CHN1: variants seen among roughly 807,000 people sequenced by gnomAD.
The protein encoded by CHN1 is N-chimaerin.
CHN1 carries 37 observed loss-of-function variants against 59.5 expected under a neutral mutation model. That is an observed-to-expected ratio of 0.62 (90% CI 0.48 to 0.82). The LOEUF is 0.82. CHN1 is among the 40% of genes least tolerant of loss of function. The pLI, the probability that CHN1 is intolerant of heterozygous loss-of-function variation, is 0.00. For synonymous variants in CHN1, 206 were observed against 200.4 expected, an observed-to-expected ratio of 1.03 and a Z score of -0.24; for missense variants, 469 against 571.0, an observed-to-expected ratio of 0.82 and a Z score of 1.82.
At chr2:174,890,679 T>C (rs778124254) in intron 5 of CHN1, among the ~76,000 whole-genome samples, 36 of 151,982 alleles carry the variant, frequency 2.4e-4, no homozygotes, top group Non-Finnish European at 3.5e-4. Context: ...AAAAACCAGA[T>C]AGACAATCAA....
chr2:174,918,658 A>G, intron 3 of CHN1, 93 bp from the exon 4 acceptor site: 2 of 1,041,920 alleles, frequency 1.9e-6, no homozygotes, highest in Non-Finnish European at 2.8e-6. Flanking sequence ...AGTAAAGCAT[A>G]TATTAAAAAA....
intron 5 of CHN1, among the ~76,000 whole-genome samples, chr2:174,881,881 T>C (rs1687749061): frequency 6.6e-6 from 1 of 152,194 alleles, no homozygotes; most frequent in Non-Finnish European, 1.5e-5. Context: ...CACTGTGTCC[T>C]GGGAATGAGG....
chr2:174,941,060 TTCTC>T (rs1689645237), intron 3 of CHN1, among the ~76,000 whole-genome samples: 1 of 152,224 alleles, frequency 6.6e-6, no homozygotes, highest in African/African-American at 2.4e-5. Flanking sequence ...GACTTACAAA[TTCTC>T]TCTCACATAA....
chr2:174,975,021 T>C (rs540492255), intron 1 of CHN1, among the ~76,000 whole-genome samples: 5 of 152,204 alleles, frequency 3.3e-5, no homozygotes, highest in African/African-American at 1.2e-4. Context: ...ATAATGTATG[T>C]ATTTTACTGC....
At chr2:174,821,596 A>G in intron 8 of CHN1, 1 of 209,568 alleles carries the variant, frequency 4.8e-6, no homozygotes, top group Non-Finnish European at 1.0e-5. Flanking sequence ...GCTCTTATAA[A>G]GGGGCTTGAC....
intron 6 of CHN1, among the ~76,000 whole-genome samples, chr2:174,855,627 T>C (rs545831392): frequency 8.5e-5 from 13 of 152,262 alleles, no homozygotes; most frequent in African/African-American, 3.1e-4. Context: ...TTAACAATAA[T>C]ATGTCAGCTT....
intron 6 of CHN1, among the ~76,000 whole-genome samples, chr2:174,874,443 A>C (rs1687498677): frequency 6.6e-6 from 1 of 152,214 alleles, no homozygotes; most frequent in African/African-American, 2.4e-5. Context: ...GAAATAGTTA[A>C]TGAGAAAAAT....
intron 10 of CHN1, among the ~76,000 whole-genome samples, chr2:174,809,841 A>G (rs2600714): frequency 0.011 from 1,625 of 152,172 alleles, 35 homozygotes; most frequent in African/African-American, 0.036. Context: ...ATGAGATTTT[A>G]TTTGTTTTGA....
In CHN1 at chr2:174,852,817, A is replaced by G. The variant is rs116503273; in HGVS notation, c.550-5860T>C. 4.7e-3 allele frequency among the ~76,000 whole-genome samples: 709 copies of G among 152,086 alleles called. 3 individuals are homozygous for G. Among genetic ancestry groups the G allele is most frequent in the African/African-American group, 0.016 (674 of 41,344 alleles). ...CTGATCTTCGACAAGGCTGACAAAAATAAGTAATGGAGAAAGGACTCCCTA... is the reference window on the plus strand; with the variant it reads ...CTGATCTTCGACAAGGCTGACAAAAGTAAGTAATGGAGAAAGGACTCCCTA... On this transcript the variant is annotated intron_variant, in intron 6 of 12. Transcript: ENST00000409900.
chr2:174,849,362 G>A (rs545763803), intron 6 of CHN1, among the ~76,000 whole-genome samples: 178 of 152,216 alleles, frequency 1.2e-3, no homozygotes, highest in Non-Finnish European at 2.2e-3. Flanking sequence ...AGAAATTCTG[G>A]ATTAACTGCA....
At chr2:174,855,633 A>G (rs1686876946) in intron 6 of CHN1, among the ~76,000 whole-genome samples, 1 of 152,140 alleles carries the variant, frequency 6.6e-6, no homozygotes, top group Non-Finnish European at 1.5e-5. Context: ...ATAATATGTC[A>G]GCTTCCATTA....
chr2:174,867,442 A>G (rs1251936334), intron 6 of CHN1, among the ~76,000 whole-genome samples: 1 of 152,072 alleles, frequency 6.6e-6, no homozygotes, highest in Non-Finnish European at 1.5e-5. Flanking sequence ...AGGGAAAAAG[A>G]GTACTGGTTA....
chr2:174,860,167 G>C (rs1687025381), intron 6 of CHN1, among the ~76,000 whole-genome samples: 1 of 152,084 alleles, frequency 6.6e-6, no homozygotes, highest in African/African-American at 2.4e-5. Context: ...CCAAACCAAT[G>C]AAATGAGAGC....
chr2:174,915,736 TTTGA>T (rs774853462), intron 4 of CHN1, among the ~76,000 whole-genome samples: 2 of 152,170 alleles, frequency 1.3e-5, no homozygotes, highest in Non-Finnish European at 2.9e-5. Flanking sequence ...AAACCTTATC[TTTGA>T]TTAACATAGA....
intron 11 of CHN1, among the ~76,000 whole-genome samples, chr2:174,804,477 C>T (rs1438773552): frequency 1.3e-5 from 2 of 152,146 alleles, no homozygotes; most frequent in Non-Finnish European, 2.9e-5. Context: ...TGTACTCTGG[C>T]TGCCTAGTGG....
chr2:174,833,654 A>G (rs1685957012), intron 7 of CHN1, among the ~76,000 whole-genome samples: 2 of 152,000 alleles, frequency 1.3e-5, no homozygotes, highest in Non-Finnish European at 2.9e-5. Flanking sequence ...CCTGTTTTCT[A>G]TGCATTCCAT....
At chr2:174,957,446 T>TGCGG (rs796233818) in intron 1 of CHN1, among the ~76,000 whole-genome samples, 1 of 89,930 alleles carries the variant, frequency 1.1e-5, no homozygotes, top group Non-Finnish European at 2.1e-5. Context: ...GTGTGTGTGT[T>TGCGG]GGGGGGGGGG....
In CHN1 at chr2:175,005,247, A is replaced by C. The variant is rs1256987875; in HGVS notation, c.-335T>G. ...TTGGCCGCGGCGCAGTGGCTGGCGG[A>C]GAGGCGGCGCCGCACTGGCGGCGGC... On this transcript the variant is annotated 5_prime_UTR_variant, in exon 1 of 13. Coordinates refer to ENST00000409900, the MANE Select transcript of CHN1 (RefSeq NM_001822.7). 5 of 1,173,878 alleles carry C rather than the reference A, an allele frequency of 4.3e-6. No individual in the cohort carries two copies. In the East Asian group the frequency reaches 2.5e-4, roughly 58 times the overall value. 72.7% of individuals were successfully genotyped at this position (1,173,878 alleles called of 1,614,324 possible).
At chr2:174,918,445 T>C (rs985633247) in intron 4 of CHN1, 89 bp downstream of exon 4, 1 of 971,038 alleles carries the variant, frequency 1.0e-6, no homozygotes, top group Non-Finnish European at 1.4e-6. Flanking sequence ...CTTGAATACT[T>C]CATCTTGCTT....
Sources: gnomAD v4.1 joint callset for allele counts (sites outside exome capture counted in the v4.1 genomes callset) on GRCh38, gnomAD v4.1.1 for gene constraint, MANE v1.5 for transcripts, NCBI Gene and HGNC (gene_info 2026-07-23, HGNC 2026-07-21) for gene names.